Variants in HEATR5A observed in about 807,000 individuals in gnomAD.
HEATR5A encodes HEAT repeat containing 5A, also known as HEAT repeat-containing protein 5A.
A neutral mutation model predicts 218.8 loss-of-function variants in HEATR5A; 178 were observed. That is an observed-to-expected ratio of 0.81 (90% CI 0.72 to 0.92). HEATR5A has a LOEUF of 0.92. HEATR5A is among the 40% of genes least tolerant of loss of function. The probability of loss-of-function intolerance (pLI) is 0.00; values close to 1 mark genes in which losing one functional copy is unlikely to be tolerated. For synonymous variants in HEATR5A, 864 were observed against 871.6 expected (o/e 0.99, Z 0.15); for missense variants, 2,420 against 2,418.9 (o/e 1.00, Z -0.01).
At chr14:31,306,982 T>C in intron 30 of HEATR5A, 103 bp from the exon 31 acceptor site, 2 of 948,388 alleles carry the variant, frequency 2.1e-6, no homozygotes, top group Non-Finnish European at 3.1e-6. Flanking sequence ...AAAAACAGAA[T>C]GTAACAAATT....
chr14:31,375,446 G>A (rs1902191265), intron 11 of HEATR5A, among the ~76,000 whole-genome samples: 1 of 152,164 alleles, frequency 6.6e-6, no homozygotes, highest in Admixed American at 6.5e-5. Context: ...GAGTTTAGTA[G>A]TGCAGTGGCA....
Position 31,364,224 on chromosome 14 carries a change from T to C in HEATR5A, c.2036A>G (p.Glu679Gly). ...CTCAGGAGGTAATAAAATCAACAGT[T>C]CATAAAGTCTTTGTCTATAAACCAC... ...PSVVYRQRLY[E>G]LLILLPPETY... is the part of the protein sequence containing the mutation. The change falls in exon 14 of 36, where the codon GAA (glutamate) becomes GGA (glycine). Residue 679 changes from glutamate to glycine, a missense_variant. Transcript: ENST00000543095. The C allele has an allele frequency of 1.3e-6, 2 of 1,551,338 alleles. No homozygotes were observed. The highest frequency in any genetic ancestry group is 2.4e-5 in the East Asian group (1 of 42,544).
At chr14:31,416,922 CA>C (rs1723725430) in intron 1 of HEATR5A, among the ~76,000 whole-genome samples, 1 of 151,792 alleles carries the variant, frequency 6.6e-6, no homozygotes, top group Non-Finnish European at 1.5e-5. Flanking sequence ...GGCGACATAG[CA>C]AAACCGCCTC....
At position 31,304,811 on chromosome 14, in the gene HEATR5A, A is replaced by AT. The variant is rs1403100570; in HGVS notation, c.5239+93dup. ...TACCCAAATGTTTGGGTCAGCATTCATTTAAAAAGAAAAAGATTAGCAACT... is the reference window on the plus strand; with the variant it reads ...TACCCAAATGTTTGGGTCAGCATTCATTTTAAAAAGAAAAAGATTAGCAACT... On this transcript the variant is annotated intron_variant, in intron 32 of 35. Transcript: ENST00000543095. 2.4e-6 allele frequency: 3 copies of AT among 1,270,572 alleles called. No homozygotes were observed. In the Admixed American group the frequency reaches 7.9e-5, roughly 33 times the overall value. 78.7% of individuals were successfully genotyped at this position (1,270,572 alleles called of 1,614,324 possible).
intron 1 of HEATR5A, among the ~76,000 whole-genome samples, chr14:31,403,310 C>A (rs1366823493): frequency 6.6e-6 from 1 of 152,130 alleles, no homozygotes; most frequent in African/African-American, 2.4e-5. Context: ...AAGAGACATT[C>A]CACTAAAATT....
chr14:31,363,543 T>C (rs1468104691), intron 14 of HEATR5A, among the ~76,000 whole-genome samples: 4 of 152,180 alleles, frequency 2.6e-5, no homozygotes, highest in African/African-American at 9.7e-5. Context: ...TGGTATGTGT[T>C]CTTGAGTTGG....
chr14:31,326,918 T>C (rs1292337586), intron 22 of HEATR5A, among the ~76,000 whole-genome samples: 2 of 152,082 alleles, frequency 1.3e-5, no homozygotes, highest in East Asian at 3.9e-4. Context: ...GTGCTGAGAT[T>C]ACAGGTGTGA....
chr14:31,386,450 C>T lies in HEATR5A; in HGVS notation c.1315G>A (p.Ala439Thr). 1.2e-6 allele frequency: 2 copies of T among 1,613,762 alleles called. No individual in the cohort carries two copies. The highest frequency in any genetic ancestry group is 1.7e-6 in the Non-Finnish European group (2 of 1,179,794). The change falls in exon 9 of 36, where the codon GCG (alanine) becomes ACG (threonine). Residue 439 changes from alanine to threonine, a missense_variant. Physicochemically the swap from Ala to Thr is moderately conservative, Grantham distance 58. Transcript: ENST00000543095. ...CTTGAATCCTGTAGCAAAGGTGCCG[C>T]TGTGGTGCCAAGATTGTGTATGAGA... ...GNLIHNLGTT[A>T]APLLQDSSTG...
At position 31,309,039 on chromosome 14, in the gene HEATR5A, G is replaced by T. The variant is rs765336361; in HGVS notation, c.4585C>A (p.Leu1529Ile). The part of the protein sequence containing the change: ...VADPDEGASN[L>I]SRPVTPTSMC... The stretch of plus-strand genomic sequence containing the variant: ...GAAGTTGGTGTTACAGGCCTGGAGA[G>T]ATTAGATGCTCCTTCATCTGGGTCA... The change falls in exon 29 of 36, where the codon CTC becomes ATC. Residue 1529 changes from leucine (L) to isoleucine (I), a missense_variant. Physicochemically the swap from Leu to Ile is conservative, Grantham distance 5. Coordinates refer to ENST00000543095, the MANE Select transcript of HEATR5A (RefSeq NM_015473.4). 6.2e-7 allele frequency: 1 copy of T among 1,613,930 alleles called. No homozygotes were observed.
Position 31,338,399 on chromosome 14 carries a change from T to A in HEATR5A, c.3229-785A>T, listed in dbSNP as rs190031171. On this transcript the variant is annotated intron_variant, in intron 21 of 35. Transcript: ENST00000543095. Reference sequence around the variant, plus strand: ...GACAAGCATTACAGAACACCAAATTTTATATATATATACATATTTATGTAT... The same window carrying A: ...GACAAGCATTACAGAACACCAAATTATATATATATATACATATTTATGTAT... Among the ~76,000 whole-genome samples the A allele has an allele frequency of 9.9e-5, 15 of 152,056 alleles. No individual in the cohort carries two copies. In the East Asian group the frequency reaches 2.9e-3, roughly 29 times the overall value.
At chr14:31,323,948 A>T (rs1164631475) in intron 23 of HEATR5A, 144 bp from the exon 24 acceptor site, 4 of 587,006 alleles carry the variant, frequency 6.8e-6, no homozygotes, top group Non-Finnish European at 1.2e-5. Context: ...TTTTAATAAC[A>T]TCAAATAATT....
At chr14:31,294,701 G>A (rs1404077211) in intron 34 of HEATR5A, among the ~76,000 whole-genome samples, 2 of 151,790 alleles carry the variant, frequency 1.3e-5, no homozygotes, top group African/African-American at 2.4e-5. Context: ...ATGAGCCACC[G>A]TGCCCAACCT....
intron 1 of HEATR5A, among the ~76,000 whole-genome samples, chr14:31,406,199 T>G (rs532662300): frequency 6.6e-6 from 1 of 152,206 alleles, no homozygotes; most frequent in Non-Finnish European, 1.5e-5. Flanking sequence ...ACCTGAGAAA[T>G]GCTTATTTTT....
At chr14:31,375,670 G>A (rs1296841220) in intron 11 of HEATR5A, among the ~76,000 whole-genome samples, 1 of 152,030 alleles carries the variant, frequency 6.6e-6, no homozygotes, top group Non-Finnish European at 1.5e-5. Flanking sequence ...CCAAAGTGCT[G>A]GAATTACAGA....
intron 28 of HEATR5A, among the ~76,000 whole-genome samples, chr14:31,312,196 A>G (rs1045438516): frequency 2.0e-5 from 3 of 152,258 alleles, no homozygotes; most frequent in Non-Finnish European, 4.4e-5. Context: ...AGAGAAACTC[A>G]GAAAGATTCA....
At chr14:31,359,089 C>G in intron 14 of HEATR5A, 32 bp from the exon 15 acceptor site, 1 of 1,574,792 alleles carries the variant, frequency 6.4e-7, no homozygotes, top group Non-Finnish European at 8.6e-7. Context: ...GCAATTAGTA[C>G]TATTAATTAT....
rs143042754 is a variant in HEATR5A, at chr14:31,385,831, G to A, written c.1345+589C>T. ...CAACTTCCACGTCTGGGGCTCAAGC[G>A]ATTCTCGTGCCTCAGCCTCCCGAGT... is the stretch of plus-strand genomic sequence containing the variant. On this transcript the variant is annotated intron_variant, in intron 9 of 35. Coordinates refer to ENST00000543095, the MANE Select transcript of HEATR5A (RefSeq NM_015473.4). 9.9e-3 allele frequency among the ~76,000 whole-genome samples: 1,501 copies of A among 152,190 alleles called. 19 individuals carry two copies. The highest frequency in any genetic ancestry group is 0.034 in the African/African-American group (1,424 of 41,524).
intron 30 of HEATR5A, 136 bp from the exon 31 acceptor site, chr14:31,307,015 T>A: frequency 1.4e-6 from 1 of 691,414 alleles, no homozygotes; most frequent in African/African-American, 1.8e-5. Context: ...TAAAGTTAAG[T>A]AACGCTCCAT....
At chr14:31,408,709 T>G (rs2031165594) in intron 1 of HEATR5A, among the ~76,000 whole-genome samples, 1 of 151,840 alleles carries the variant, frequency 6.6e-6, no homozygotes, top group African/African-American at 2.4e-5. Flanking sequence ...GGCTCTGTAT[T>G]AAGCCTAGTG....
Sources: allele counts gnomAD v4.1 joint callset (sites outside exome capture counted in the v4.1 genomes callset), GRCh38; gene constraint gnomAD v4.1.1; transcripts MANE v1.5; gene names NCBI Gene and HGNC (gene_info 2026-07-23, HGNC 2026-07-21).